PTK7: variants seen among roughly 807,000 people sequenced by gnomAD.
The protein encoded by PTK7 is protein tyrosine kinase 7 (inactive).
Under a neutral mutation model 116.6 loss-of-function variants are expected in PTK7, and 39 were observed. That is an observed-to-expected ratio of 0.33 (90% confidence interval 0.26 to 0.44). The LOEUF is 0.44. PTK7 is among the 20% of genes least tolerant of loss of function. The pLI is 1.00. For synonymous variants in PTK7, 546 were observed against 563.6 expected (o/e 0.97, Z 0.44); for missense variants, 1,169 against 1,425.6 (o/e 0.82, Z 2.90).
At chr6:43,082,806 C>T (rs1385516554) in intron 1 of PTK7, among the ~76,000 whole-genome samples, 2 of 152,184 alleles carry the variant, frequency 1.3e-5, no homozygotes, top group Non-Finnish European at 2.9e-5. Context: ...CTCTCAGAAC[C>T]TCAGCTTTTC....
In PTK7 at chr6:43,105,002, G is replaced by A. The variant is rs139568568; in HGVS notation, c.80-23975G>A. Among the ~76,000 whole-genome samples the A allele has an allele frequency of 9.0e-4, 136 of 151,394 alleles. 1 individual carries two copies. In the East Asian group the frequency reaches 0.02, roughly 22 times the overall value. On this transcript the variant is annotated intron_variant, in intron 1 of 19. Coordinates refer to ENST00000230419, the MANE Select transcript of PTK7 (RefSeq NM_002821.5). Reference sequence around the variant, plus strand: ...TAATTTTTGTATTTTTAGTAGAGACGGTGTTTCACCGTGTTAGCCAGGATG... The same window carrying A: ...TAATTTTTGTATTTTTAGTAGAGACAGTGTTTCACCGTGTTAGCCAGGATG...
chr6:43,142,976 G>A (rs1309212301), intron 13 of PTK7: 1 of 172,002 alleles, frequency 5.8e-6, no homozygotes, highest in Admixed American at 5.6e-5. Context: ...GCCATTAAAA[G>A]GCCCCTAGAC....
chr6:43,077,024 C>A, intron 1 of PTK7: 1 of 1,365,756 alleles, frequency 7.3e-7, no homozygotes, highest in Admixed American at 3.2e-5. Context: ...GCCGGACAGA[C>A]CTGCGGCGCG....
In PTK7 at chr6:43,141,042, CCT is replaced by C. The variant is rs1020070605; in HGVS notation, c.1619-625_1619-624del. ...TTGTTAACCAGCCACCCACCCACCCCCTTTTTTTTCATTGCTGCAATAAACAT... is the reference window on the plus strand; with the variant it reads ...TTGTTAACCAGCCACCCACCCACCCCTTTTTTTCATTGCTGCAATAAACAT... On this transcript the variant is annotated intron_variant, in intron 10 of 19. Transcript: ENST00000230419. The surrounding 1 kb of genome is among the most constrained non-coding windows in gnomAD (Gnocchi z 4.9). Among the ~76,000 whole-genome samples the C allele has an allele frequency of 6.6e-6, 1 of 151,992 alleles. No individual in the cohort carries two copies. Among genetic ancestry groups the C allele is most frequent in the African/African-American group, 2.4e-5 (1 of 41,360 alleles).
chr6:43,140,006 T>G (rs6916141), intron 10 of PTK7, among the ~76,000 whole-genome samples: 1 of 151,928 alleles, frequency 6.6e-6, no homozygotes, highest in African/African-American at 2.4e-5. Flanking sequence ...CCCAGCTGCT[T>G]AGGAGGCTGA....
intron 1 of PTK7, among the ~76,000 whole-genome samples, chr6:43,087,016 G>T (rs1209032488): frequency 1.3e-5 from 2 of 152,222 alleles, no homozygotes; most frequent in African/African-American, 4.8e-5. Context: ...TGCAGCTGTG[G>T]CTCTTTGTTT....
In PTK7 at chr6:43,139,548, G is replaced by A; in HGVS notation, c.1618+23G>A. ...CAGGTGGGTACAGTGCCGGCATAGG[G>A]TAGGGGCAGGCAGGCAGTTCACTGA... On this transcript the variant is annotated intron_variant, in intron 10 of 19. Coordinates refer to ENST00000230419, the MANE Select transcript of PTK7 (RefSeq NM_002821.5). This position sits in a 1 kb window ranked among gnomAD's most constrained non-coding sequence, Gnocchi z 4.6. 1 of 1,613,420 alleles carries A rather than the reference G, an allele frequency of 6.2e-7. No individual in the cohort carries two copies. Among genetic ancestry groups the A allele is most frequent in the Non-Finnish European group, 8.5e-7 (1 of 1,179,830 alleles).
chr6:43,108,015 G>A (rs1170368876), intron 1 of PTK7, among the ~76,000 whole-genome samples: 5 of 151,906 alleles, frequency 3.3e-5, no homozygotes, highest in African/African-American at 4.8e-5. Flanking sequence ...GTGTGTTCAC[G>A]ATTATTATTT....
At chr6:43,088,831 T>G (rs1025290380) in intron 1 of PTK7, among the ~76,000 whole-genome samples, 2 of 152,278 alleles carry the variant, frequency 1.3e-5, no homozygotes, top group Admixed American at 6.5e-5. Context: ...GTCCTTAGCC[T>G]CCTCCTCCTG....
intron 7 of PTK7, among the ~76,000 whole-genome samples, chr6:43,135,962 G>A (rs1293678418): frequency 6.6e-6 from 1 of 152,168 alleles, no homozygotes; most frequent in Non-Finnish European, 1.5e-5. Context: ...GGCCGAGGCA[G>A]GTGGATCACG....
rs1176963526 is a variant in PTK7 at position 43,150,787 on chromosome 6, C to CTTTTTTTTTTTTTT, written c.2721+4105_2721+4118dup. On this transcript the variant is annotated intron_variant, in intron 17 of 19. Transcript: ENST00000230419. ...GGTTATTTTAGGGATGTAGACTCAG[C>CTTTTTTTTTTTTTT]TTTTTTTTTTTTTTTTTTTTTTTTT... Among the ~76,000 whole-genome samples, 7 of 60,746 alleles carry CTTTTTTTTTTTTTT rather than the reference C, an allele frequency of 1.2e-4. 1 individual carries two copies. The highest frequency in any genetic ancestry group is 7.1e-4 in the South Asian group (1 of 1,408). The allele number at this position is 60,746 out of a possible 152,430, so 39.9% of individuals were successfully genotyped here. A position where few individuals can be genotyped will look rare whatever the true frequency, so the allele number is the denominator to read the frequency against.
chr6:43,096,469 G>C (rs909890043), intron 1 of PTK7, among the ~76,000 whole-genome samples: 3 of 152,012 alleles, frequency 2.0e-5, no homozygotes, highest in Non-Finnish European at 2.9e-5. Flanking sequence ...GGGGGTGGGT[G>C]GTGACCGGAC....
In PTK7 at chr6:43,157,375, TC is replaced by T. The variant is rs1465399518; in HGVS notation, c.2722-1441del. On this transcript the variant is annotated intron_variant, in intron 17 of 19. Transcript: ENST00000230419. ...ATATATATATATATATTTTTTTTTT[TC>T]TTTTTTTTTTTTTTTTTTTAATAGA... Among the ~76,000 whole-genome samples the T allele has an allele frequency of 2.5e-3, 214 of 86,084 alleles. 7 individuals carry two copies. Among genetic ancestry groups the T allele is most frequent in the African/African-American group, 0.01 (176 of 17,162 alleles). 56.5% of individuals were successfully genotyped at this position (86,084 alleles called of 152,430 possible).
intron 1 of PTK7, among the ~76,000 whole-genome samples, chr6:43,104,708 G>A (rs904124242): frequency 3.3e-5 from 5 of 151,668 alleles, no homozygotes; most frequent in Non-Finnish European, 7.4e-5. Context: ...GATTACAGGT[G>A]TCAGCCTCCA....
At chr6:43,157,364 A>ATATTTTTT (rs70990168) in intron 17 of PTK7, among the ~76,000 whole-genome samples, 5 of 54,360 alleles carry the variant, frequency 9.2e-5, no homozygotes, top group Non-Finnish European at 1.3e-4. Context: ...ATATATATAT[A>ATATTTTTT]TTTTTTTTTT....
At chr6:43,137,219 A>G (rs1324746736) in intron 7 of PTK7, among the ~76,000 whole-genome samples, 1 of 152,214 alleles carries the variant, frequency 6.6e-6, no homozygotes, top group African/African-American at 2.4e-5. Flanking sequence ...TAGGGCCAAG[A>G]GTATAAACAA....
chr6:43,100,166 G>A (rs951032903), intron 1 of PTK7, among the ~76,000 whole-genome samples: 1 of 152,066 alleles, frequency 6.6e-6, no homozygotes, highest in Non-Finnish European at 1.5e-5. Context: ...GGCGGATCAC[G>A]AGGTCAAGAG....
At position 43,129,387 on chromosome 6, in the gene PTK7, T is replaced by C. The variant is rs1264221855; in HGVS notation, c.367+123T>C. Reference sequence around the variant, plus strand: ...TTAAACGGGCCAGGCAGAATGCATTTATCATCAGCTTTTTTTGCTCATGTG... The same window carrying C: ...TTAAACGGGCCAGGCAGAATGCATTCATCATCAGCTTTTTTTGCTCATGTG... On this transcript the variant is annotated intron_variant, in intron 2 of 19. Coordinates refer to ENST00000230419, the MANE Select transcript of PTK7 (RefSeq NM_002821.5). This position sits in a 1 kb window ranked among gnomAD's most constrained non-coding sequence, Gnocchi z 4.5. 3 of 1,258,106 alleles carry C rather than the reference T, an allele frequency of 2.4e-6. No homozygotes were observed. Among genetic ancestry groups the C allele is most frequent in the Non-Finnish European group, 2.2e-6 (2 of 916,558 alleles). The allele number at this position is 1,258,106 out of a possible 1,614,324, so 77.9% of individuals were successfully genotyped here. A position where few individuals can be genotyped will look rare whatever the true frequency, so the allele number is the denominator to read the frequency against.
In PTK7 at chr6:43,143,035, C is replaced by CA; in HGVS notation, c.2048-381dup. ...GCTTATTGAAAAACCTGCTCTGTGCCAGGCAGTGCCTGGAATTCTAAACCT... is the reference window on the plus strand; with the variant it reads ...GCTTATTGAAAAACCTGCTCTGTGCCAAGGCAGTGCCTGGAATTCTAAACCT... On this transcript the variant is annotated intron_variant, in intron 13 of 19. Transcript: ENST00000230419. This position sits in a 1 kb window ranked among gnomAD's most constrained non-coding sequence, Gnocchi z 4.2. 1 of 206,752 alleles carries CA rather than the reference C, an allele frequency of 4.8e-6. No individual in the cohort carries two copies. Among genetic ancestry groups the CA allele is most frequent in the Non-Finnish European group, 9.9e-6 (1 of 101,090 alleles). 12.8% of individuals were successfully genotyped at this position (206,752 alleles called of 1,614,324 possible).
Sources: allele counts gnomAD v4.1 joint callset (sites outside exome capture counted in the v4.1 genomes callset), GRCh38; gene constraint gnomAD v4.1.1; non-coding constraint Gnocchi (gnomAD v3.1); transcripts MANE v1.5; gene names NCBI Gene and HGNC (gene_info 2026-07-23, HGNC 2026-07-21).